The following ZNF480 variants were observed in gnomAD, a reference collection of about 807,000 sequenced individuals.
ZNF480 encodes the protein zinc finger protein 480.
ZNF480 carries 15 observed loss-of-function variants against 14.4 expected under a neutral mutation model. That is an observed-to-expected ratio of 1.04 (90% confidence interval 0.70 to 1.60). ZNF480 has a LOEUF of 1.60. ZNF480 is among the 40% of genes most tolerant of loss of function. The pLI is 0.00. For synonymous variants in ZNF480, 218 were observed against 215.5 expected (o/e 1.01, Z -0.10); for missense variants, 593 against 629.7 (o/e 0.94, Z 0.62).
chr19:52,299,270 A>T (rs1299460742), intron 1 of ZNF480, among the ~76,000 whole-genome samples: 1 of 152,200 alleles, frequency 6.6e-6, no homozygotes, highest in Non-Finnish European at 1.5e-5. Flanking sequence ...TCAACACAGA[A>T]TGCTTCATAT....
chr19:52,305,747 G>T (rs1345713881), intron 2 of ZNF480, among the ~76,000 whole-genome samples: 1 of 152,166 alleles, frequency 6.6e-6, no homozygotes, highest in African/African-American at 2.4e-5. Context: ...CAGGGGACAG[G>T]TATTGTATGG....
rs371191936 is a variant in ZNF480 at position 52,322,475 on chromosome 19, A to T, written c.1225A>T (p.Asn409Tyr). 2.5e-6 allele frequency: 4 copies of T among 1,613,970 alleles called. No individual in the cohort carries two copies. In the African/African-American group the frequency reaches 5.3e-5, roughly 22 times the overall value. ...ATGTAATGAATGTGGAAAAGTATTT[A>T]ATCAACTTTCAAATCTTGCACGACA... ...YKCNECGKVFNQLSNLARHRR... is the reference protein window; with the variant it reads ...YKCNECGKVFYQLSNLARHRR... The change falls in exon 5 of 5, where the codon AAT (asparagine) becomes TAT (tyrosine). Residue 409 changes from asparagine (N) to tyrosine (Y), a missense_variant. Coordinates refer to ENST00000595962, the MANE Select transcript of ZNF480 (RefSeq NM_144684.4).
At chr19:52,312,515 T>G (rs1439319533) in intron 2 of ZNF480, among the ~76,000 whole-genome samples, 1 of 152,186 alleles carries the variant, frequency 6.6e-6, no homozygotes, top group Non-Finnish European at 1.5e-5. Context: ...TTTAACTTTT[T>G]TCTTAGGTAA....
chr19:52,308,261 G>A (rs78449793), intron 2 of ZNF480, among the ~76,000 whole-genome samples: 6,585 of 151,426 alleles, frequency 0.043, 129 homozygotes, highest in Middle Eastern at 0.082. Flanking sequence ...TAAATTCTAG[G>A]AAAGGAGTGA....
intron 2 of ZNF480, among the ~76,000 whole-genome samples, chr19:52,312,801 AT>A (rs1485688883): frequency 2.7e-5 from 4 of 148,592 alleles, no homozygotes; most frequent in African/African-American, 1.0e-4. Context: ...AGTCATTGCT[AT>A]TGTTATCATC....
At chr19:52,318,845 T>C (rs959333952) in intron 4 of ZNF480, among the ~76,000 whole-genome samples, 1 of 152,082 alleles carries the variant, frequency 6.6e-6, no homozygotes, top group African/African-American at 2.4e-5. Flanking sequence ...TGTTTCTGGC[T>C]TCTCTATTCT....
Position 52,314,227 on chromosome 19 carries a change from G to A in ZNF480, c.147G>A (p.Arg49=), listed in dbSNP as rs1568633483. 6.3e-7 allele frequency: 1 copy of A among 1,583,488 alleles called. No individual in the cohort carries two copies. Among genetic ancestry groups the A allele is most frequent in the Admixed American group, 1.7e-5 (1 of 58,898 alleles). Residue 49 remains arginine (R), a synonymous_variant, in exon 3 of 5, where the codon AGG becomes AGA. Coordinates refer to ENST00000595962, the MANE Select transcript of ZNF480 (RefSeq NM_144684.4). Reference sequence around the variant, plus strand: ...GGAAATGCCTGGACCCTGCACAGAGGGCTTTATACAAGGATGTGATGTTGG... The same window carrying A: ...GGAAATGCCTGGACCCTGCACAGAGAGCTTTATACAAGGATGTGATGTTGG... The part of the protein sequence containing the change: ...AEWKCLDPAQ[R]ALYKDVMLEN...
In ZNF480 at chr19:52,322,083, A is replaced by G; in HGVS notation, c.833A>G (p.Gln278Arg). The G allele has an allele frequency of 6.2e-7, 1 of 1,613,978 alleles. No homozygotes were observed. Among genetic ancestry groups the G allele is most frequent in the Non-Finnish European group, 8.5e-7 (1 of 1,179,966 alleles). Residue 278 changes from glutamine to arginine, a missense_variant, in exon 5 of 5, where the codon CAA (glutamine) becomes CGA (arginine). Coordinates refer to ENST00000595962, the MANE Select transcript of ZNF480 (RefSeq NM_144684.4). ...TACAATTCAAACTTTGCACGACATC[A>G]AAGAATTCATACCAGAGAGAAGCCG... is the stretch of plus-strand genomic sequence containing the variant. ...FSYNSNFARH[Q>R]RIHTREKPYE... is the part of the protein sequence containing the mutation.
intron 1 of ZNF480, chr19:52,298,010 G>C (rs534137975): frequency 1.3e-5 from 2 of 152,482 alleles, no homozygotes; most frequent in South Asian, 2.1e-4. Context: ...ATGAAGCCGA[G>C]AAAGTAGCAG....
chr19:52,298,140 G>C (rs994830895), intron 1 of ZNF480, among the ~76,000 whole-genome samples: 1 of 152,028 alleles, frequency 6.6e-6, no homozygotes, highest in East Asian at 1.9e-4. Flanking sequence ...GTGGGGGAGA[G>C]GGGGAGGGAT....
At chr19:52,301,752 A>G (rs967129361) in intron 2 of ZNF480, 3 of 152,172 alleles carry the variant, frequency 2.0e-5, no homozygotes, top group Non-Finnish European at 4.4e-5. Context: ...TTAAAGTGGC[A>G]ATGAAACACC....
rs754097062 is a variant in ZNF480 at position 52,297,258 on chromosome 19, C to T, written c.-20+35C>T. The T allele has an allele frequency of 4.7e-5, 21 of 449,782 alleles. 1 individual carries two copies. Among genetic ancestry groups the T allele is most frequent in the South Asian group, 3.3e-4 (21 of 63,778 alleles). 27.9% of individuals were successfully genotyped at this position (449,782 alleles called of 1,614,324 possible). On this transcript the variant is annotated intron_variant, in intron 1 of 4. Coordinates refer to ENST00000595962, the MANE Select transcript of ZNF480 (RefSeq NM_144684.4). ...CCTTTGTGTAAATTAATCTGCGCTT[C>T]CCAACTCCCCCGCGCTTCTGTACCC...
chr19:52,319,629 T>C (rs1422472456), intron 4 of ZNF480, among the ~76,000 whole-genome samples: 1 of 152,154 alleles, frequency 6.6e-6, no homozygotes, highest in Non-Finnish European at 1.5e-5. Context: ...TTCTTCAGAA[T>C]TGGGATTTGG....
Position 52,322,240 on chromosome 19 carries a change from A to G in ZNF480, c.990A>G (p.Leu330=), listed in dbSNP as rs546312756. 6.2e-7 allele frequency: 1 copy of G among 1,614,008 alleles called. No homozygotes were observed. Among genetic ancestry groups the G allele is most frequent in the South Asian group, 1.1e-5 (1 of 91,078 alleles). Residue 330 remains leucine, a synonymous_variant, in exon 5 of 5, where the codon CTA becomes CTG. Coordinates refer to ENST00000595962, the MANE Select transcript of ZNF480 (RefSeq NM_144684.4). Reference sequence around the variant, plus strand: ...AAGGCTTCAGTCATAAGTCATCTCTAGCAAATCATTGGAGAATTTATACTG... The same window carrying G: ...AAGGCTTCAGTCATAAGTCATCTCTGGCAAATCATTGGAGAATTTATACTG... ...CGKGFSHKSS[L]ANHWRIYTGE...
intron 1 of ZNF480, among the ~76,000 whole-genome samples, chr19:52,299,191 C>T (rs1982565058): frequency 6.6e-6 from 1 of 152,030 alleles, no homozygotes; most frequent in African/African-American, 2.4e-5. Context: ...AGGGTGTGGG[C>T]GAGTGTAAAA....
In ZNF480 at chr19:52,322,211, G is replaced by C; in HGVS notation, c.961G>C (p.Gly321Arg). 1 of 1,614,052 alleles carries C rather than the reference G, an allele frequency of 6.2e-7. No individual in the cohort carries two copies. The highest frequency in any genetic ancestry group is 1.1e-5 in the South Asian group (1 of 91,084). The change falls in exon 5 of 5, where the codon GGT becomes CGT. Residue 321 changes from glycine to arginine, a missense_variant. By Grantham distance (125) the Gly-to-Arg change is moderately radical. Coordinates refer to ENST00000595962, the MANE Select transcript of ZNF480 (RefSeq NM_144684.4). ...GAAACCTTACAAATGTAATGAATGT[G>C]GTAAAGGCTTCAGTCATAAGTCATC... Reference protein sequence around the residue: ...EEKPYKCNECGKGFSHKSSLA... With the variant: ...EEKPYKCNECRKGFSHKSSLA...
intron 1 of ZNF480, among the ~76,000 whole-genome samples, chr19:52,299,073 T>G (rs940722212): frequency 1.3e-5 from 2 of 152,222 alleles, no homozygotes; most frequent in Non-Finnish European, 2.9e-5. Flanking sequence ...ATTTTATAAT[T>G]CTTGGCATCA....
intron 4 of ZNF480, among the ~76,000 whole-genome samples, chr19:52,316,691 C>T (rs575647513): frequency 6.6e-6 from 1 of 152,118 alleles, no homozygotes; most frequent in African/African-American, 2.4e-5. Context: ...ATTGATTTAC[C>T]AGGAATATTT....
intron 1 of ZNF480, chr19:52,297,746 C>T (rs955999185): frequency 1.3e-5 from 2 of 152,900 alleles, no homozygotes. Context: ...CTTCTCCTAA[C>T]CCTGCGTGTG....
Sources: allele counts gnomAD v4.1 joint callset (sites outside exome capture counted in the v4.1 genomes callset), GRCh38; gene constraint gnomAD v4.1.1; transcripts MANE v1.5; gene names NCBI Gene and HGNC (gene_info 2026-07-23, HGNC 2026-07-21).